The following DMD variants were observed in gnomAD, a reference collection of about 807,000 sequenced individuals.
The protein encoded by DMD is dystrophin, also known as mutant dystrophin.
DMD carries 63 observed loss-of-function variants against 330.1 expected under a neutral mutation model. That is an observed-to-expected ratio of 0.19 (90% CI 0.16 to 0.24). DMD has a LOEUF of 0.24. Ranked by LOEUF, DMD falls within the 10% of genes least tolerant of loss-of-function variation. The probability of loss-of-function intolerance (pLI) is 1.00; values close to 1 mark genes in which losing one functional copy is unlikely to be tolerated. For synonymous variants in DMD, 1,223 were observed against 959.8 expected (o/e 1.27, Z -5.07); for missense variants, 3,344 against 2,684.1 (o/e 1.25, Z -5.43).
At chrX:31,887,471 A>C (rs764971133) in intron 47 of DMD, among the ~76,000 whole-genome samples, 10 of 111,749 alleles carry the variant, frequency 8.9e-5, no homozygotes, top group Non-Finnish European at 1.5e-4. Context: ...ATAACAAAGC[A>C]CTTCTTTTGG....
chrX:31,896,188 T>C (rs901720001), intron 47 of DMD, among the ~76,000 whole-genome samples: 1 of 112,112 alleles, frequency 8.9e-6, no homozygotes, highest in African/African-American at 3.2e-5. Flanking sequence ...TGGCAGGGTC[T>C]TCCTAAATTG....
chrX:32,149,528 T>C (rs1023126866), intron 44 of DMD, among the ~76,000 whole-genome samples: 2 of 111,626 alleles, frequency 1.8e-5, no homozygotes, highest in African/African-American at 6.5e-5. Context: ...ATATAAAATA[T>C]TCATGAACCA....
intron 59 of DMD, among the ~76,000 whole-genome samples, chrX:31,475,589 T>C (rs1005789093): frequency 2.6e-4 from 29 of 111,887 alleles, no homozygotes; most frequent in African/African-American, 8.8e-4. Context: ...TGGAGAAGTC[T>C]GTCAAAAAAT....
Position 33,298,155 on chromosome X carries a change from G to A in DMD, c.7+41104C>T, listed in dbSNP as rs186576660. Among the ~76,000 whole-genome samples the A allele has an allele frequency of 2.7e-5, 3 of 110,989 alleles. No individual in the cohort carries two copies. In the East Asian group the frequency reaches 8.5e-4, roughly 32 times the overall value. On this transcript the variant is annotated intron_variant, in intron 1 of 17. Transcript: ENST00000288447. ...TACAAAAAGGACAAACTGATATTTAGCCACAAGCATGTGATGATCAACTGA... is the reference window on the plus strand; with the variant it reads ...TACAAAAAGGACAAACTGATATTTAACCACAAGCATGTGATGATCAACTGA...
intron 15 of DMD, among the ~76,000 whole-genome samples, chrX:32,571,544 C>T (rs1334199882): frequency 9.0e-6 from 1 of 111,678 alleles, no homozygotes; most frequent in Non-Finnish European, 1.9e-5. Context: ...CTTAATGTGT[C>T]ACTCTACACA....
At chrX:32,416,949 C>CT (rs774161709) in intron 29 of DMD, among the ~76,000 whole-genome samples, 1 of 111,680 alleles carries the variant, frequency 9.0e-6, no homozygotes, top group Non-Finnish European at 1.9e-5. Flanking sequence ...TCTTTTTTAC[C>CT]TACTAACAGG....
chrX:33,020,399 C>T (rs2093891081), intron 1 of DMD, among the ~76,000 whole-genome samples, 199 bp from the exon 2 acceptor site: 2 of 111,917 alleles, frequency 1.8e-5, no homozygotes, highest in Admixed American at 9.5e-5. Flanking sequence ...AATGGCCAGG[C>T]GCGGTGGCTC....
At chrX:32,472,422 A>G in intron 21 of DMD, 113 bp from the exon 22 acceptor site, 1 of 739,759 alleles carries the variant, frequency 1.4e-6, no homozygotes, top group South Asian at 2.5e-5. Context: ...TATTAACAAA[A>G]TTAGAAAATC....
chrX:32,578,149 A>G (rs2053266247), intron 13 of DMD, among the ~76,000 whole-genome samples: 1 of 111,383 alleles, frequency 9.0e-6, no homozygotes, highest in Non-Finnish European at 1.9e-5. Flanking sequence ...GCTAATACAT[A>G]TATTTTTTAA....
intron 64 of DMD, among the ~76,000 whole-genome samples, chrX:31,218,126 G>T (rs945559162): frequency 1.8e-5 from 2 of 110,648 alleles, no homozygotes; most frequent in African/African-American, 6.6e-5. Flanking sequence ...TTTTGAGCAG[G>T]AAAATCGAAT....
intron 17 of DMD, among the ~76,000 whole-genome samples, chrX:32,539,402 A>C (rs1363038517): frequency 9.0e-6 from 1 of 111,285 alleles, no homozygotes; most frequent in East Asian, 2.8e-4. Context: ...CCTTAGGAAA[A>C]AAAGAAGCAA....
intron 67 of DMD, among the ~76,000 whole-genome samples, chrX:31,201,199 G>GCA (rs1207889434): frequency 6.4e-4 from 25 of 39,312 alleles, no homozygotes; most frequent in South Asian, 2.6e-3. Flanking sequence ...ACACACACAC[G>GCA]CACACACACA....
chrX:31,721,710 CTCTCTCTCTATA>C (rs1183882352), intron 52 of DMD, among the ~76,000 whole-genome samples: 333 of 54,658 alleles, frequency 6.1e-3, no homozygotes, highest in Middle Eastern at 9.5e-3. Context: ...CTCTCTCTCT[CTCTCTCTCTATA>C]TATATATATA....
intron 11 of DMD, among the ~76,000 whole-genome samples, chrX:32,626,661 G>C (rs2058363654): frequency 9.6e-6 from 1 of 104,007 alleles, no homozygotes; most frequent in Admixed American, 1.0e-4. Context: ...TCTCTATTAA[G>C]AAAGGTATTG....
intron 44 of DMD, among the ~76,000 whole-genome samples, chrX:31,996,210 C>T (rs758181019): frequency 8.9e-6 from 1 of 111,953 alleles, no homozygotes; most frequent in Non-Finnish European, 1.9e-5. Flanking sequence ...ATCAACATGA[C>T]ATAAGTATGA....
rs754162660 is a variant in DMD at position 32,013,093 on chromosome X, CT to C, written c.6439-44580del. Among the ~76,000 whole-genome samples the C allele has an allele frequency of 7.9e-4, 48 of 61,141 alleles. 2 individuals are homozygous for C. Among genetic ancestry groups the C allele is most frequent in the South Asian group, 7.8e-3 (8 of 1,023 alleles). 53.1% of individuals were successfully genotyped at this position (61,141 alleles called of 115,157 possible). A position where few individuals can be genotyped will look rare whatever the true frequency, so the allele number is the denominator to read the frequency against. ...GGAAATTAATCTTTTCTTTTCTTTC[CT>C]TTTTTTTTTTTTGAGATGGAATCTT... On this transcript the variant is annotated intron_variant, in intron 44 of 78. Coordinates refer to ENST00000357033, the MANE Select transcript of DMD (RefSeq NM_004006.3).
chrX:31,189,446 T>C (rs958417439), intron 67 of DMD, among the ~76,000 whole-genome samples: 2 of 111,361 alleles, frequency 1.8e-5, no homozygotes, highest in Non-Finnish European at 3.8e-5. Flanking sequence ...TCTTGAGTAC[T>C]GCATTTTCGA....
Position 32,226,609 on chromosome X carries a change from T to C in DMD, c.6291-9546A>G, listed in dbSNP as rs747192079. Among the ~76,000 whole-genome samples the C allele has an allele frequency of 9.1e-4, 101 of 111,287 alleles. 1 individual carries two copies. The highest frequency in any genetic ancestry group is 3.2e-3 in the African/African-American group (97 of 30,658). On this transcript the variant is annotated intron_variant, in intron 43 of 78. Transcript: ENST00000357033. Reference sequence around the variant, plus strand: ...ATAACTGAATGAATGAATAAAAAAGTCCATGAGTAATTTCACAAACCCCTT... The same window carrying C: ...ATAACTGAATGAATGAATAAAAAAGCCCATGAGTAATTTCACAAACCCCTT...
intron 1 of DMD, among the ~76,000 whole-genome samples, chrX:33,099,200 A>G (rs2095211460): frequency 9.0e-6 from 1 of 111,645 alleles, no homozygotes; most frequent in Non-Finnish European, 1.9e-5. Flanking sequence ...TTCTTTGGAG[A>G]GAAACCTCTA....
Sources: allele counts gnomAD v4.1 joint callset (sites outside exome capture counted in the v4.1 genomes callset), GRCh38; gene constraint gnomAD v4.1.1; transcripts MANE v1.5; gene names NCBI Gene and HGNC (gene_info 2026-07-23, HGNC 2026-07-21).